CEACAM5: variants seen among roughly 807,000 people sequenced by gnomAD.
CEACAM5 encodes the protein CEA cell adhesion molecule 5.
Under a neutral mutation model 63.0 loss-of-function variants are expected in CEACAM5, and 52 were observed. The observed-to-expected ratio is 0.83, with a 90% CI of 0.66 to 1.04. The LOEUF is 1.04. Among genes scored for constraint, CEACAM5 ranks in the 50% least tolerant of loss-of-function variants. The pLI is 0.00. For synonymous variants in CEACAM5, 357 were observed against 351.3 expected (o/e 1.02, Z -0.18); for missense variants, 790 against 864.8 (o/e 0.91, Z 1.08).
intron 9 of CEACAM5, among the ~76,000 whole-genome samples, chr19:41,727,922 C>A (rs778554470): frequency 2.0e-5 from 3 of 152,208 alleles, no homozygotes; most frequent in East Asian, 3.8e-4. Flanking sequence ...CTCTCCACCC[C>A]ACATGTACAC....
rs1555813318 is a variant in CEACAM5, at chr19:41,708,721, C to T, written c.-11C>T. ...TCTCCACAGAGGAGGACAGAGCAGA[C>T]AGCAGAGACCATGGAGTCTCCCTCG... On this transcript the variant is annotated 5_prime_UTR_variant, in exon 1 of 10. Transcript: ENST00000221992. 6 of 1,608,642 alleles carry T rather than the reference C, an allele frequency of 3.7e-6. No homozygotes were observed. The East Asian group carries it at 8.9e-5, about 24-fold the overall frequency.
intron 8 of CEACAM5, among the ~76,000 whole-genome samples, chr19:41,724,783 G>T (rs2072674471): frequency 6.6e-6 from 1 of 152,148 alleles, no homozygotes; most frequent in Non-Finnish European, 1.5e-5. Context: ...TTGTTAGTGT[G>T]TAGAAGTACA....
At chr19:41,714,879 T>G in intron 2 of CEACAM5, 92 bp from the exon 3 acceptor site, 4 of 1,585,570 alleles carry the variant, frequency 2.5e-6, no homozygotes, top group Non-Finnish European at 3.4e-6. Flanking sequence ...TCAGGTGGGC[T>G]GAGAGGTGGA....
intron 8 of CEACAM5, among the ~76,000 whole-genome samples, chr19:41,723,946 CAAA>C (rs35830094): frequency 9.6e-6 from 1 of 103,860 alleles, no homozygotes. Context: ...GAGACTCTGT[CAAA>C]AAAAAAAAAA....
intron 8 of CEACAM5, among the ~76,000 whole-genome samples, chr19:41,721,594 C>T (rs1325852525): frequency 6.6e-6 from 1 of 152,238 alleles, no homozygotes; most frequent in Non-Finnish European, 1.5e-5. Context: ...CACTTTTTCC[C>T]CAAATGAGAG....
chr19:41,721,975 G>A (rs1193004719), intron 8 of CEACAM5, among the ~76,000 whole-genome samples: 2 of 152,184 alleles, frequency 1.3e-5, no homozygotes, highest in East Asian at 1.9e-4. Context: ...CTGCATGGGA[G>A]GGAACAGGCA....
rs1555814973 is a variant in CEACAM5 at position 41,715,859 on chromosome 19, G to A, written c.913G>A (p.Asp305Asn). Reference sequence around the variant, plus strand: ...CTATACGTGCCAAGCCCATAACTCAGACACTGGCCTCAATAGGACCACAGT... The same window carrying A: ...CTATACGTGCCAAGCCCATAACTCAAACACTGGCCTCAATAGGACCACAGT... ...GSYTCQAHNS[D>N]TGLNRTTVTT... is the part of the protein sequence containing the mutation. Residue 305 changes from aspartate (D) to asparagine (N), a missense_variant, in exon 4 of 10, where the codon GAC becomes AAC. Transcript: ENST00000221992. 6.2e-7 allele frequency: 1 copy of A among 1,614,148 alleles called. No homozygotes were observed. Among genetic ancestry groups the A allele is most frequent in the South Asian group, 1.1e-5 (1 of 91,074 alleles).
chr19:41,722,928 G>A (rs1250793165), intron 8 of CEACAM5, among the ~76,000 whole-genome samples: 1 of 151,652 alleles, frequency 6.6e-6, no homozygotes, highest in African/African-American at 2.4e-5. Context: ...TGTTTTTTGA[G>A]ATGGAGTCTC....
At chr19:41,722,292 C>T (rs148525666) in intron 8 of CEACAM5, among the ~76,000 whole-genome samples, 8 of 137,776 alleles carry the variant, frequency 5.8e-5, no homozygotes, top group South Asian at 2.3e-4. Flanking sequence ...CGAACCTGGG[C>T]GGTGTAGTTT....
chr19:41,718,152 C>A lies in CEACAM5; in HGVS notation c.1262C>A (p.Ser421Tyr), dbSNP rs150455412. The A allele has an allele frequency of 3.1e-6, 5 of 1,614,194 alleles. No individual in the cohort carries two copies. Among genetic ancestry groups the A allele is most frequent in the Non-Finnish European group, 4.2e-6 (5 of 1,180,040 alleles). The change falls in exon 6 of 10, where the codon TCC becomes TAC. Residue 421 changes from serine (S) to tyrosine (Y), a missense_variant. Coordinates refer to ENST00000221992, the MANE Select transcript of CEACAM5 (RefSeq NM_004363.6). The stretch of plus-strand genomic sequence containing the variant: ...GATGGCCCAGACGACCCCACCATTT[C>A]CCCCTCATACACCTATTACCGTCCA... The part of the protein sequence containing the change: ...VLYGPDDPTI[S>Y]PSYTYYRPGV...
chr19:41,725,669 C>T (rs964179583), intron 8 of CEACAM5, among the ~76,000 whole-genome samples: 10 of 152,248 alleles, frequency 6.6e-5, no homozygotes, highest in Admixed American at 1.3e-4. Context: ...CGCTATACCT[C>T]CATTTTCATT....
chr19:41,721,092 A>G lies in CEACAM5; in HGVS notation c.1942A>G (p.Asn648Asp). The G allele has an allele frequency of 6.2e-7, 1 of 1,614,222 alleles. No individual in the cohort carries two copies. The highest frequency in any genetic ancestry group is 8.5e-7 in the Non-Finnish European group (1 of 1,180,046). ...QVLFIAKITP[N>D]NNGTYACFVS... ...TCTCTTTATCGCCAAAATCACGCCAAATAATAACGGGACCTATGCCTGTTT... is the reference window on the plus strand; with the variant it reads ...TCTCTTTATCGCCAAAATCACGCCAGATAATAACGGGACCTATGCCTGTTT... The change falls in exon 8 of 10, where the codon AAT becomes GAT. Residue 648 changes from asparagine to aspartate, a missense_variant. Transcript: ENST00000221992.
chr19:41,720,436 T>C (rs1021947462), intron 7 of CEACAM5, among the ~76,000 whole-genome samples: 4 of 151,340 alleles, frequency 2.6e-5, no homozygotes, highest in Non-Finnish European at 4.4e-5. Flanking sequence ...CCACAGCCTA[T>C]GATGGGAGAA....
chr19:41,725,179 A>G (rs2072681531), intron 8 of CEACAM5, among the ~76,000 whole-genome samples: 1 of 152,132 alleles, frequency 6.6e-6, no homozygotes. Flanking sequence ...GAATTTTGTC[A>G]AATGCTTTTA....
intron 9 of CEACAM5, 132 bp from the exon 10 acceptor site, chr19:41,729,052 A>C (rs529642557): frequency 6.6e-6 from 1 of 152,328 alleles, no homozygotes; most frequent in East Asian, 1.9e-4. Context: ...AATTCTAGAA[A>C]TCTAATTGGT....
chr19:41,718,142 C>A lies in CEACAM5; in HGVS notation c.1252C>A (p.Pro418Thr), dbSNP rs1223468320. ...ILNVLYGPDD[P>T]TISPSYTYYR... is the part of the protein sequence containing the mutation. ...CTTTGCTCCAGATGGCCCAGACGAC[C>A]CCACCATTTCCCCCTCATACACCTA... Residue 418 changes from proline to threonine, a missense_variant, in exon 6 of 10, where the codon CCC (proline) becomes ACC (threonine). Coordinates refer to ENST00000221992, the MANE Select transcript of CEACAM5 (RefSeq NM_004363.6). The A allele has an allele frequency of 6.2e-7, 1 of 1,614,164 alleles. No individual in the cohort carries two copies. The highest frequency in any genetic ancestry group is 1.7e-5 in the Admixed American group (1 of 60,020).
chr19:41,721,104 A>G lies in CEACAM5; in HGVS notation c.1954A>G (p.Thr652Ala). Residue 652 changes from threonine to alanine, a missense_variant, in exon 8 of 10, where the codon ACC becomes GCC. Thr to Ala is a moderately conservative substitution (Grantham distance 58). Coordinates refer to ENST00000221992, the MANE Select transcript of CEACAM5 (RefSeq NM_004363.6). Reference sequence around the variant, plus strand: ...CAAAATCACGCCAAATAATAACGGGACCTATGCCTGTTTTGTCTCTAACTT... The same window carrying G: ...CAAAATCACGCCAAATAATAACGGGGCCTATGCCTGTTTTGTCTCTAACTT... ...IAKITPNNNG[T>A]YACFVSNLAT... The G allele has an allele frequency of 6.2e-7, 1 of 1,614,180 alleles. No homozygotes were observed. Among genetic ancestry groups the G allele is most frequent in the Non-Finnish European group, 8.5e-7 (1 of 1,180,042 alleles).
At chr19:41,730,505 T>A (rs1373345084), downstream of CEACAM5, among the ~76,000 whole-genome samples, 2 of 152,064 alleles carry the variant, frequency 1.3e-5, no homozygotes, top group African/African-American at 4.8e-5. Flanking sequence ...AAAATAAACT[T>A]ATTTTGAAAA....
chr19:41,728,646 G>T (rs1232472969), intron 9 of CEACAM5, among the ~76,000 whole-genome samples: 2 of 152,072 alleles, frequency 1.3e-5, no homozygotes, highest in Admixed American at 6.6e-5. Flanking sequence ...AATCAGCTGG[G>T]CATGGTGGCA....
Sources: allele counts gnomAD v4.1 joint callset (sites outside exome capture counted in the v4.1 genomes callset), GRCh38; gene constraint gnomAD v4.1.1; transcripts MANE v1.5; gene names NCBI Gene and HGNC (gene_info 2026-07-23, HGNC 2026-07-21).